The following PALM2AKAP2 variants were observed in gnomAD, a reference collection of about 807,000 sequenced individuals.
PALM2AKAP2 encodes the protein PALM2-AKAP2 fusion protein.
PALM2AKAP2 carries 37 observed loss-of-function variants against 71.5 expected under a neutral mutation model. The observed-to-expected ratio is 0.52, with a 90% CI of 0.40 to 0.68. PALM2AKAP2 has a LOEUF of 0.68. Among genes scored for constraint, PALM2AKAP2 ranks in the 30% least tolerant of loss-of-function variants. The probability of loss-of-function intolerance (pLI) is 0.00; values close to 1 mark genes in which losing one functional copy is unlikely to be tolerated. For missense variants in PALM2AKAP2, 1,224 were observed against 1,191.8 expected, an observed-to-expected ratio of 1.03 and a Z score of -0.40; for synonymous variants, 468 against 478.8, an observed-to-expected ratio of 0.98 and a Z score of 0.29.
chr9:109,842,550 A>G (rs1828726187), intron 1 of PALM2AKAP2, among the ~76,000 whole-genome samples: 1 of 152,216 alleles, frequency 6.6e-6, no homozygotes, highest in East Asian at 1.9e-4. Context: ...TTCATGAATT[A>G]AAAGCTAATT....
chr9:110,023,448 G>C (rs1242215750), intron 7 of PALM2AKAP2, among the ~76,000 whole-genome samples: 1 of 151,190 alleles, frequency 6.6e-6, no homozygotes. Flanking sequence ...TGAGTAGATG[G>C]GATTAACAGG....
At chr9:109,751,306 G>A (rs1434039203) in intron 1 of PALM2AKAP2, among the ~76,000 whole-genome samples, 2 of 152,100 alleles carry the variant, frequency 1.3e-5, no homozygotes, top group Admixed American at 1.3e-4. Context: ...ACATTTTAAG[G>A]ATGTTTACAT....
At chr9:109,848,762 TG>T (rs1489570763) in intron 1 of PALM2AKAP2, among the ~76,000 whole-genome samples, 1 of 141,324 alleles carries the variant, frequency 7.1e-6, no homozygotes, top group African/African-American at 2.7e-5. Context: ...GGCAACATGA[TG>T]ATACCCCATC....
chr9:110,048,732 C>T (rs1458882148), exon 1 of PALM2AKAP2: 1 of 1,546,570 alleles, frequency 6.5e-7, no homozygotes, highest in Non-Finnish European at 8.7e-7. Flanking sequence ...CTGCCGCTCG[C>T]CTTCCCCCGG....
In PALM2AKAP2 at chr9:109,665,565, T is replaced by C. The variant is rs150840072; in HGVS notation, c.5+24699T>C. The stretch of plus-strand genomic sequence containing the variant: ...TGCCTGATCCTTCCTCTGGAAGCTT[T>C]GTCCCAGAGGGGCAGCCGCCTATAT... On this transcript the variant is annotated intron_variant, in intron 1 of 6. Coordinates refer to the PALM2AKAP2 transcript ENST00000374531. Among the ~76,000 whole-genome samples, 714 of 152,296 alleles carry C rather than the reference T, an allele frequency of 4.7e-3. 8 individuals carry two copies. Among genetic ancestry groups the C allele is most frequent in the African/African-American group, 0.016 (680 of 41,556 alleles).
intron 1 of PALM2AKAP2, among the ~76,000 whole-genome samples, chr9:110,088,454 A>T (rs935098046): frequency 6.6e-6 from 1 of 152,230 alleles, no homozygotes; most frequent in African/African-American, 2.4e-5. Context: ...GCAATCAGAC[A>T]TAATTTCAAT....
intron 1 of PALM2AKAP2, among the ~76,000 whole-genome samples, chr9:110,109,638 G>T (rs867527808): frequency 1.3e-5 from 2 of 152,166 alleles, no homozygotes; most frequent in South Asian, 2.1e-4. Context: ...TTCTGCCGCG[G>T]TATGGGCAGT....
chr9:109,642,583 G>A (rs1389048561), intron 1 of PALM2AKAP2, among the ~76,000 whole-genome samples: 1 of 151,230 alleles, frequency 6.6e-6, no homozygotes, highest in Non-Finnish European at 1.5e-5. Context: ...TTTTAGACAG[G>A]GTCTCACTCT....
chr9:109,810,553 G>A (rs901153641), intron 1 of PALM2AKAP2, among the ~76,000 whole-genome samples: 5 of 152,218 alleles, frequency 3.3e-5, no homozygotes, highest in African/African-American at 1.2e-4. Context: ...AGATGGAGAG[G>A]TGGAGGTGAA....
At chr9:110,153,817 A>G (rs913796054) in intron 2 of PALM2AKAP2, among the ~76,000 whole-genome samples, 1 of 152,266 alleles carries the variant, frequency 6.6e-6, no homozygotes, top group Admixed American at 6.5e-5. Flanking sequence ...AAAAGCTTCA[A>G]TAGCCAGATA....
chr9:109,925,015 A>AC (rs778364077), intron 4 of PALM2AKAP2, 46 bp from the exon 5 acceptor site: 1 of 1,613,514 alleles, frequency 6.2e-7, no homozygotes, highest in Non-Finnish European at 8.5e-7. Context: ...ATGGGATTGT[A>AC]CCCCCACATG....
intron 3 of PALM2AKAP2, among the ~76,000 whole-genome samples, chr9:109,888,715 A>AG (rs1327752076): frequency 3.3e-5 from 5 of 150,176 alleles, no homozygotes; most frequent in Admixed American, 6.6e-5. Flanking sequence ...TGCCTCCAAA[A>AG]AAAAAAAAAA....
At chr9:110,080,025 G>T (rs1024535544) in intron 1 of PALM2AKAP2, among the ~76,000 whole-genome samples, 1 of 136,058 alleles carries the variant, frequency 7.3e-6, no homozygotes, top group African/African-American at 2.9e-5. Flanking sequence ...AGCTGAGATT[G>T]CGCCATTGCA....
intron 1 of PALM2AKAP2, among the ~76,000 whole-genome samples, chr9:109,700,712 C>T (rs1216077215): frequency 1.3e-5 from 2 of 152,174 alleles, no homozygotes; most frequent in South Asian, 2.1e-4. Flanking sequence ...GCATCCTCCC[C>T]AAATATTTAT....
chr9:109,819,698 T>A (rs1827943174), intron 1 of PALM2AKAP2, among the ~76,000 whole-genome samples: 1 of 96,504 alleles, frequency 1.0e-5, no homozygotes, highest in Non-Finnish European at 1.9e-5. Context: ...ATTATGTGTG[T>A]GTGTGTATGT....
chr9:109,646,436 T>G (rs1827155447), intron 1 of PALM2AKAP2, among the ~76,000 whole-genome samples: 1 of 152,232 alleles, frequency 6.6e-6, no homozygotes, highest in African/African-American at 2.4e-5. Context: ...TCTGACAATG[T>G]GGGTGGCAGC....
chr9:109,708,573 T>C (rs192506456), intron 1 of PALM2AKAP2, among the ~76,000 whole-genome samples: 8 of 152,338 alleles, frequency 5.3e-5, no homozygotes, highest in Non-Finnish European at 1.2e-4. Context: ...CAAGACTTTA[T>C]TATTAGATTC....
At chr9:110,131,679 A>C (rs906717149) in intron 1 of PALM2AKAP2, among the ~76,000 whole-genome samples, 4 of 152,224 alleles carry the variant, frequency 2.6e-5, no homozygotes, top group Admixed American at 6.5e-5. Context: ...TACTGCTGAC[A>C]GTGGAACTCA....
Position 110,014,800 on chromosome 9 carries a change from AAAAAT to A in PALM2AKAP2, c.497-1153_497-1149del, listed in dbSNP as rs1832943740. Among the ~76,000 whole-genome samples, 18 of 51,708 alleles carry A rather than the reference AAAAAT, an allele frequency of 3.5e-4. 1 individual carries two copies. The highest frequency in any genetic ancestry group is 4.3e-4 in the Non-Finnish European group (12 of 28,164). The allele number at this position is 51,708 out of a possible 152,430, so 33.9% of individuals were successfully genotyped here. On this transcript the variant is annotated intron_variant, in intron 6 of 9. Coordinates refer to the PALM2AKAP2 transcript ENST00000302798. ...GTCTCAAAAAAAAAAAAAAAAAAAA[AAAAAT>A]GTATATATATATATATATATATATA...
Sources: allele counts gnomAD v4.1 joint callset (sites outside exome capture counted in the v4.1 genomes callset), GRCh38; gene constraint gnomAD v4.1.1; transcripts MANE v1.5; gene names NCBI Gene and HGNC (gene_info 2026-07-23, HGNC 2026-07-21).